The following FAIM variants were observed in gnomAD, a reference collection of about 807,000 sequenced individuals.
FAIM encodes the protein Fas apoptotic inhibitory molecule.
In FAIM, 14 loss-of-function variants were observed where a neutral mutation model predicts 21.2. That is an observed-to-expected ratio of 0.66 (90% CI 0.44 to 1.03). The LOEUF is 1.03. Ranked by LOEUF, FAIM falls within the 50% of genes least tolerant of loss-of-function variation. FAIM has a pLI of 0.00. For missense variants in FAIM, 222 were observed against 247.1 expected (o/e 0.90, Z 0.68); for synonymous variants, 86 against 80.4 (o/e 1.07, Z -0.37).
chr3:138,631,771 C>T (rs745892007), intron 5 of FAIM, among the ~76,000 whole-genome samples: 2 of 152,060 alleles, frequency 1.3e-5, no homozygotes, highest in Non-Finnish European at 2.9e-5. Flanking sequence ...CCCTTTCTTC[C>T]GAAGTCTTTT....
At chr3:138,611,759 T>C (rs1303336889) in intron 1 of FAIM, among the ~76,000 whole-genome samples, 3 of 152,220 alleles carry the variant, frequency 2.0e-5, no homozygotes. Context: ...ACCTCCCCGC[T>C]GTCTCTCCTG....
intron 1 of FAIM, among the ~76,000 whole-genome samples, chr3:138,615,181 G>A (rs1309776603): frequency 6.6e-6 from 1 of 152,154 alleles, no homozygotes; most frequent in Non-Finnish European, 1.5e-5. Context: ...GCTGTCTCCT[G>A]TAATTTTTTG....
chr3:138,627,936 C>T (rs2042957081), intron 4 of FAIM, among the ~76,000 whole-genome samples: 1 of 152,168 alleles, frequency 6.6e-6, no homozygotes. Flanking sequence ...TCAAACCTGA[C>T]CCCCAGACTC....
chr3:138,623,343 C>A (rs1048560447), intron 4 of FAIM, among the ~76,000 whole-genome samples: 6 of 152,028 alleles, frequency 3.9e-5, no homozygotes, highest in Admixed American at 3.9e-4. Flanking sequence ...CTCGTGTTCT[C>A]TATTGCTTGG....
intron 1 of FAIM, among the ~76,000 whole-genome samples, chr3:138,614,823 C>T (rs769036831): frequency 1.3e-5 from 2 of 151,908 alleles, no homozygotes; most frequent in Non-Finnish European, 2.9e-5. Context: ...TACCTGTAGT[C>T]CCAGCTACTT....
At chr3:138,622,458 A>G (rs77165509) in intron 4 of FAIM, 42 bp downstream of exon 4, 10 of 1,123,724 alleles carry the variant, frequency 8.9e-6, no homozygotes, top group East Asian at 2.4e-5. Flanking sequence ...TTTTTTTTTT[A>G]TAATGTCTGT....
At chr3:138,610,707 G>C (rs935968843) in intron 1 of FAIM, 12 of 303,926 alleles carry the variant, frequency 3.9e-5, no homozygotes, top group African/African-American at 2.2e-5. Context: ...CTCAGCCTCC[G>C]GAGTAGCTGG....
chr3:138,608,829 T>A lies in FAIM; in HGVS notation c.-125T>A, dbSNP rs1040130205. On this transcript the variant is annotated 5_prime_UTR_variant, in exon 1 of 6. Coordinates refer to ENST00000360570, the MANE Select transcript of FAIM (RefSeq NM_001033031.2). The stretch of plus-strand genomic sequence containing the variant: ...TTTCAACCTCCGCGCCGGCTGCGCC[T>A]GTTTCTCGGCCAGGGGAGCAAGGCC... The A allele has an allele frequency of 5.9e-5, 9 of 152,298 alleles. No individual in the cohort carries two copies. The highest frequency in any genetic ancestry group is 2.2e-4 in the African/African-American group (9 of 41,456). 9.4% of individuals were successfully genotyped at this position (152,298 alleles called of 1,614,324 possible).
At chr3:138,628,462 CTTTT>C (rs1553876156) in intron 4 of FAIM, among the ~76,000 whole-genome samples, 1 of 146,560 alleles carries the variant, frequency 6.8e-6, no homozygotes, top group Non-Finnish European at 1.5e-5. Flanking sequence ...ATGCATCCTT[CTTTT>C]TTATTTATTT....
At chr3:138,620,102 G>A (rs13321441) in intron 2 of FAIM, among the ~76,000 whole-genome samples, 6,480 of 152,236 alleles carry the variant, frequency 0.043, 200 homozygotes, top group Non-Finnish European at 0.065. Context: ...CGAACAAAGA[G>A]GAAGATGTAG....
intron 5 of FAIM, chr3:138,629,400 T>C (rs1381993577): frequency 6.4e-6 from 2 of 311,804 alleles, no homozygotes; most frequent in Non-Finnish European, 5.6e-6. Context: ...TTTCCTGTCC[T>C]GGACCAGGCT....
At chr3:138,610,960 G>T (rs756330219) in intron 1 of FAIM, 2 of 1,613,212 alleles carry the variant, frequency 1.2e-6, no homozygotes, top group Non-Finnish European at 1.7e-6. Context: ...TCTATCCTAT[G>T]CTGCTTCCCT....
chr3:138,617,182 T>G (rs942775426), intron 1 of FAIM, among the ~76,000 whole-genome samples: 5 of 151,710 alleles, frequency 3.3e-5, no homozygotes, highest in African/African-American at 9.7e-5. Flanking sequence ...TTAGTGTGAT[T>G]TAGTAGTATT....
chr3:138,610,294 G>A (rs1462087688), intron 1 of FAIM, among the ~76,000 whole-genome samples: 1 of 152,184 alleles, frequency 6.6e-6, no homozygotes, highest in Non-Finnish European at 1.5e-5. Flanking sequence ...AAACTTAGGT[G>A]TTGGGTTGCT....
At chr3:138,613,612 T>C (rs1382095488) in intron 1 of FAIM, among the ~76,000 whole-genome samples, 10 of 152,132 alleles carry the variant, frequency 6.6e-5, no homozygotes, top group Non-Finnish European at 1.3e-4. Flanking sequence ...GCCTCCCATG[T>C]AGCTGGGACT....
chr3:138,617,510 T>C (rs1408501853), intron 1 of FAIM, among the ~76,000 whole-genome samples: 2 of 146,948 alleles, frequency 1.4e-5, no homozygotes, highest in African/African-American at 2.5e-5. Context: ...AAAACAGATA[T>C]GTATATCTAT....
chr3:138,631,351 G>C (rs2043003366), intron 5 of FAIM, among the ~76,000 whole-genome samples: 1 of 152,062 alleles, frequency 6.6e-6, no homozygotes, highest in South Asian at 2.1e-4. Context: ...GGAGTTCAAG[G>C]CTGCAATGAA....
chr3:138,629,098 C>T lies in FAIM; in HGVS notation c.407-9C>T, dbSNP rs1438336083. The T allele has an allele frequency of 6.3e-7, 1 of 1,594,004 alleles. No individual in the cohort carries two copies. Among genetic ancestry groups the T allele is most frequent in the Non-Finnish European group, 8.5e-7 (1 of 1,169,876 alleles). On this transcript the variant is annotated splice_polypyrimidine_tract_variant and intron_variant, in intron 4 of 5. Transcript: ENST00000360570. ...ATTATAACTTAAAGTTTTTATGTTACCTTTACAGAAAAAGATGCTATGGAC... is the reference window on the plus strand; with the variant it reads ...ATTATAACTTAAAGTTTTTATGTTATCTTTACAGAAAAAGATGCTATGGAC...
chr3:138,628,095 A>C lies in FAIM; in HGVS notation c.407-1012A>C, dbSNP rs145964211. On this transcript the variant is annotated intron_variant, in intron 4 of 5. Transcript: ENST00000360570. ...GGGCTCTGGGGACTCCTCCACCCTG[A>C]GATGAGCTATGGCAAGTTAACTGAT... Among the ~76,000 whole-genome samples, 155 of 152,288 alleles carry C rather than the reference A, an allele frequency of 1.0e-3. 2 individuals are homozygous for C. In the South Asian group the frequency reaches 0.013, roughly 12 times the overall value.
Sources: gnomAD v4.1 joint callset for allele counts (sites outside exome capture counted in the v4.1 genomes callset) on GRCh38, gnomAD v4.1.1 for gene constraint, MANE v1.5 for transcripts, NCBI Gene and HGNC (gene_info 2026-07-23, HGNC 2026-07-21) for gene names.